The following HYCC1 variants were observed in gnomAD, a reference collection of about 807,000 sequenced individuals.
The protein encoded by HYCC1 is hyccin PI4KA lipid kinase complex subunit 1.
chr7:22,924,155 G>T, the HYCC1 span, among the ~76,000 whole-genome samples: 1 of 144,088 alleles, frequency 6.9e-6, no homozygotes, highest in African/African-American at 2.5e-5. Flanking sequence ...TCCAACCTGG[G>T]TGACAGAGCG....
At chr7:22,970,562 G>T in the HYCC1 span, among the ~76,000 whole-genome samples, 2 of 152,168 alleles carry the variant, frequency 1.3e-5, no homozygotes, top group African/African-American at 4.8e-5. Flanking sequence ...AACTAGGGTG[G>T]GAAAGTGCTA....
At chr7:22,945,853 T>A in the HYCC1 span, 2 of 1,613,652 alleles carry the variant, frequency 1.2e-6, no homozygotes, top group African/African-American at 2.7e-5. Context: ...TAGGCTTAGG[T>A]AGGGATTGGC....
chr7:22,982,438 G>C, the HYCC1 span, among the ~76,000 whole-genome samples: 1 of 152,046 alleles, frequency 6.6e-6, no homozygotes, highest in South Asian at 2.1e-4. Flanking sequence ...CTCCAAAAGA[G>C]GTTAACTACT....
At chr7:22,964,533 T>TAGA in the HYCC1 span, 1 of 1,519,412 alleles carries the variant, frequency 6.6e-7, no homozygotes, top group African/African-American at 1.4e-5. Context: ...ACACAGATTC[T>TAGA]AGAAAAACCA....
the HYCC1 span, among the ~76,000 whole-genome samples, chr7:22,917,006 C>T: frequency 6.6e-6 from 1 of 152,210 alleles, no homozygotes; most frequent in South Asian, 2.1e-4. Context: ...AAACTCTTCT[C>T]AAGGTCGCTT....
chr7:22,982,074 C>T, the HYCC1 span, among the ~76,000 whole-genome samples: 1 of 152,034 alleles, frequency 6.6e-6, no homozygotes, highest in Non-Finnish European at 1.5e-5. Flanking sequence ...TTAAGCTTCT[C>T]AAAATAATAA....
chr7:22,914,508 C>T, the HYCC1 span, among the ~76,000 whole-genome samples: 1 of 152,084 alleles, frequency 6.6e-6, no homozygotes, highest in South Asian at 2.1e-4. Flanking sequence ...CCGATACAAA[C>T]TTGATAATGG....
the HYCC1 span, among the ~76,000 whole-genome samples, chr7:22,904,909 C>T: frequency 6.6e-6 from 1 of 150,510 alleles, no homozygotes; most frequent in Non-Finnish European, 1.5e-5. Context: ...GTTTAATTGG[C>T]TCATGGTTCT....
chr7:22,914,615 C>G, the HYCC1 span, among the ~76,000 whole-genome samples: 1 of 152,168 alleles, frequency 6.6e-6, no homozygotes, highest in Non-Finnish European at 1.5e-5. Context: ...GGGTGCCTGA[C>G]GTCCAGGCAT....
At chr7:22,968,327 C>G in the HYCC1 span, among the ~76,000 whole-genome samples, 1 of 152,124 alleles carries the variant, frequency 6.6e-6, no homozygotes, top group African/African-American at 2.4e-5. Flanking sequence ...TCCCCACTTG[C>G]AGGATAGAAG....
the HYCC1 span, among the ~76,000 whole-genome samples, chr7:22,962,360 A>T: frequency 6.6e-6 from 1 of 152,120 alleles, no homozygotes. Context: ...TCCTTTAGGC[A>T]CTCACAAGAA....
At chr7:23,013,525 C>G in the HYCC1 span, among the ~76,000 whole-genome samples, 1 of 152,164 alleles carries the variant, frequency 6.6e-6, no homozygotes, top group Non-Finnish European at 1.5e-5. Flanking sequence ...GGGGCTCCCG[C>G]CCCAGGCCCA....
chr7:22,998,325 C>G, the HYCC1 span, among the ~76,000 whole-genome samples: 1 of 152,118 alleles, frequency 6.6e-6, no homozygotes, highest in African/African-American at 2.4e-5. Flanking sequence ...ATAGCCTTGA[C>G]TAAGATCATG....
the HYCC1 span, among the ~76,000 whole-genome samples, chr7:22,953,369 T>C: frequency 6.6e-6 from 1 of 151,902 alleles, no homozygotes; most frequent in East Asian, 1.9e-4. Context: ...TAAAAAATAA[T>C]AACTTTCTTA....
At chr7:22,979,184 T>C in the HYCC1 span, among the ~76,000 whole-genome samples, 5 of 152,164 alleles carry the variant, frequency 3.3e-5, no homozygotes, top group Admixed American at 6.6e-5. Flanking sequence ...CCAATAATGG[T>C]AATGAACAAA....
chr7:22,991,793 C>T, the HYCC1 span, among the ~76,000 whole-genome samples: 1 of 152,044 alleles, frequency 6.6e-6, no homozygotes, highest in Non-Finnish European at 1.5e-5. Context: ...TTTACCTATC[C>T]ATTTGTATGG....
the HYCC1 span, among the ~76,000 whole-genome samples, chr7:23,001,592 A>G: frequency 1.3e-5 from 2 of 152,210 alleles, no homozygotes; most frequent in African/African-American, 4.8e-5. Context: ...GTTGAGAACT[A>G]TAGGGTAGTA....
chr7:22,946,951 C>T, the HYCC1 span: 2 of 1,544,204 alleles, frequency 1.3e-6, no homozygotes, highest in Non-Finnish European at 8.7e-7. Context: ...CCTTAAGATA[C>T]CTTGGAGTGC....
chr7:22,969,177 T>G, the HYCC1 span, among the ~76,000 whole-genome samples: 1 of 152,232 alleles, frequency 6.6e-6, no homozygotes, highest in Non-Finnish European at 1.5e-5. Context: ...GTTCTTTTTT[T>G]GTTTGTTTGT....
Sources: gnomAD v4.1 joint callset for allele counts (sites outside exome capture counted in the v4.1 genomes callset) on GRCh38, gnomAD v4.1.1 for gene constraint, MANE v1.5 for transcripts, NCBI Gene and HGNC (gene_info 2026-07-23, HGNC 2026-07-21) for gene names.